The following CNTLN variants were observed in gnomAD, a reference collection of about 807,000 sequenced individuals.
CNTLN encodes the protein centlein, centrosomal protein.
CNTLN carries 212 observed loss-of-function variants against 180.0 expected under a neutral mutation model. That is an observed-to-expected ratio of 1.18 (90% confidence interval 1.05 to 1.32). CNTLN has a LOEUF of 1.32. Ranked by LOEUF, CNTLN falls within the 40% of genes most tolerant of loss-of-function variation. The probability of loss-of-function intolerance (pLI) is 0.00; values close to 1 mark genes in which losing one functional copy is unlikely to be tolerated. For missense variants in CNTLN, 2,095 were observed against 1,610.9 expected (o/e 1.30, Z -5.14); for synonymous variants, 722 against 563.1 (o/e 1.28, Z -3.99).
chr9:17,241,259 G>A (rs1019701054), intron 5 of CNTLN, among the ~76,000 whole-genome samples: 2 of 152,138 alleles, frequency 1.3e-5, no homozygotes, highest in African/African-American at 4.8e-5. Context: ...TAGGGGTCTA[G>A]TTTCATTCTT....
At chr9:17,244,339 G>GGC (rs1432972361) in intron 5 of CNTLN, among the ~76,000 whole-genome samples, 2 of 151,898 alleles carry the variant, frequency 1.3e-5, no homozygotes, top group African/African-American at 2.4e-5. Context: ...AGCCTCTTGA[G>GGC]TAGCTGAGGC....
intron 2 of CNTLN, among the ~76,000 whole-genome samples, chr9:17,148,778 G>T (rs1430879744): frequency 6.6e-6 from 1 of 152,130 alleles, no homozygotes; most frequent in East Asian, 1.9e-4. Context: ...CACTTTGTGT[G>T]TACCTGCAAA....
At chr9:17,431,960 C>T (rs1205836760) in intron 18 of CNTLN, among the ~76,000 whole-genome samples, 1 of 152,194 alleles carries the variant, frequency 6.6e-6, no homozygotes, top group Admixed American at 6.5e-5. Flanking sequence ...GATAACTCTT[C>T]TGCAAAAGTA....
At chr9:17,496,451 T>A (rs1358689254) in intron 25 of CNTLN, among the ~76,000 whole-genome samples, 1 of 152,218 alleles carries the variant, frequency 6.6e-6, no homozygotes, top group Non-Finnish European at 1.5e-5. Context: ...TATCTCTTTT[T>A]ATAAGGCTAC....
At chr9:17,204,437 C>T (rs748409550) in intron 2 of CNTLN, among the ~76,000 whole-genome samples, 1 of 152,084 alleles carries the variant, frequency 6.6e-6, no homozygotes, top group Non-Finnish European at 1.5e-5. Context: ...CTCTAACAGG[C>T]CCCTCTTCTG....
downstream of CNTLN, among the ~76,000 whole-genome samples, chr9:17,507,401 C>T (rs1006518018): frequency 6.6e-6 from 1 of 152,094 alleles, no homozygotes; most frequent in African/African-American, 2.4e-5. Context: ...CATTGATAGG[C>T]ACTTGGGTTG....
At chr9:17,465,684 G>T (rs1340505907) in intron 21 of CNTLN, among the ~76,000 whole-genome samples, 3 of 151,148 alleles carry the variant, frequency 2.0e-5, no homozygotes, top group East Asian at 3.9e-4. Context: ...GCCTTAGGAA[G>T]TTTAGATTAG....
intron 12 of CNTLN, among the ~76,000 whole-genome samples, chr9:17,352,416 AT>A (rs869286111): frequency 0.11 from 3,371 of 31,098 alleles, 50 homozygotes; most frequent in Middle Eastern, 0.25. Context: ...ATATATATAT[AT>A]TTTTTTTTTT....
rs570475140 is a variant in CNTLN at position 17,246,869 on chromosome 9, T to A, written c.849+10281T>A. ...GGAGATGAATCCTGTTGGGACCAGG[T>A]CTCTCCCTCAGAGGAGTGTTTTTTT... On this transcript the variant is annotated intron_variant, in intron 5 of 25. Transcript: ENST00000380647. 4.1e-5 allele frequency among the ~76,000 whole-genome samples: 6 copies of A among 146,318 alleles called. No individual in the cohort carries two copies. The South Asian group carries it at 1.4e-3, about 35-fold the overall frequency.
At chr9:17,409,133 A>G (rs974655039) in intron 15 of CNTLN, among the ~76,000 whole-genome samples, 160 bp from the exon 16 acceptor site, 10 of 152,184 alleles carry the variant, frequency 6.6e-5, no homozygotes, top group African/African-American at 2.4e-4. Flanking sequence ...ATATATTTAG[A>G]TTCATTTTCC....
At chr9:17,239,006 A>G (rs1158759784) in intron 5 of CNTLN, among the ~76,000 whole-genome samples, 1 of 152,138 alleles carries the variant, frequency 6.6e-6, no homozygotes, top group East Asian at 1.9e-4. Flanking sequence ...TAGCCACCTC[A>G]GGAATGTGAA....
In CNTLN at chr9:17,169,622, A is replaced by G. The variant is rs117708405; in HGVS notation, c.449+26246A>G. Among the ~76,000 whole-genome samples, 1,132 of 151,922 alleles carry G rather than the reference A, an allele frequency of 7.5e-3. 8 individuals are homozygous for G. Among genetic ancestry groups the G allele is most frequent in the Non-Finnish European group, 0.013 (905 of 67,902 alleles). ...CAATTTTATTCTTCCACATGTAGCTATCTAGTTTTCTCGGTACCATTTATT... is the reference window on the plus strand; with the variant it reads ...CAATTTTATTCTTCCACATGTAGCTGTCTAGTTTTCTCGGTACCATTTATT... On this transcript the variant is annotated intron_variant, in intron 2 of 25. Transcript: ENST00000380647.
chr9:17,501,978 C>G (rs1833774789), intron 25 of CNTLN, among the ~76,000 whole-genome samples: 1 of 152,192 alleles, frequency 6.6e-6, no homozygotes. Flanking sequence ...AAAATGTAGT[C>G]TACATTTCAT....
At chr9:17,143,227 A>G in intron 1 of CNTLN, 61 bp from the exon 2 acceptor site, 1 of 1,123,662 alleles carries the variant, frequency 8.9e-7, no homozygotes, top group Non-Finnish European at 1.3e-6. Context: ...AATTTAATGT[A>G]GTATCTTATT....
At position 17,366,729 on chromosome 9, in the gene CNTLN, G is replaced by T; in HGVS notation, c.1987+12G>T. On this transcript the variant is annotated intron_variant, in intron 13 of 25. Transcript: ENST00000380647. Reference sequence around the variant, plus strand: ...AGAGAGAAGAGAAGGTAAATTTTCAGAAAATAAATACTTAACAGAGGAATT... The same window carrying T: ...AGAGAGAAGAGAAGGTAAATTTTCATAAAATAAATACTTAACAGAGGAATT... The T allele has an allele frequency of 7.4e-7, 1 of 1,360,528 alleles. No homozygotes were observed. The highest frequency in any genetic ancestry group is 1.0e-6 in the Non-Finnish European group (1 of 969,460). 84.3% of individuals were successfully genotyped at this position (1,360,528 alleles called of 1,614,324 possible).
At chr9:17,472,782 A>G (rs1049861149) in intron 23 of CNTLN, among the ~76,000 whole-genome samples, 5 of 152,198 alleles carry the variant, frequency 3.3e-5, no homozygotes, top group African/African-American at 9.6e-5. Flanking sequence ...GTCATTACGC[A>G]TAACTGAATT....
chr9:17,146,332 C>T (rs942872547), intron 2 of CNTLN, among the ~76,000 whole-genome samples: 5 of 151,952 alleles, frequency 3.3e-5, no homozygotes, highest in Admixed American at 1.3e-4. Flanking sequence ...TGTTGTATCT[C>T]CTCAGTGGCC....
intron 5 of CNTLN, among the ~76,000 whole-genome samples, chr9:17,261,484 G>C (rs1826971790): frequency 6.6e-6 from 1 of 151,238 alleles, no homozygotes; most frequent in Admixed American, 6.6e-5. Flanking sequence ...GAACATTATT[G>C]GGATTTAGAA....
intron 15 of CNTLN, among the ~76,000 whole-genome samples, chr9:17,407,364 G>A (rs1302227154): frequency 2.0e-5 from 3 of 152,274 alleles, no homozygotes; most frequent in Admixed American, 6.5e-5. Flanking sequence ...ATTCTTATCA[G>A]ACTAACCAGT....
Sources: allele counts gnomAD v4.1 joint callset (sites outside exome capture counted in the v4.1 genomes callset), GRCh38; gene constraint gnomAD v4.1.1; transcripts MANE v1.5; gene names NCBI Gene and HGNC (gene_info 2026-07-23, HGNC 2026-07-21).